MGST1: variants seen among roughly 807,000 people sequenced by gnomAD.
MGST1 encodes glutathione S-transferase 12.
A neutral mutation model predicts 8.9 loss-of-function variants in MGST1; 5 were observed. The ratio of observed to expected loss-of-function variants is 0.56; its 90% confidence interval spans 0.29 to 1.19. The LOEUF (loss-of-function observed/expected upper bound fraction) is 1.19, where lower values mean the gene tolerates loss of function less well. Ranked by LOEUF, MGST1 falls within the 50% of genes most tolerant of loss-of-function variation. The pLI, the probability that MGST1 is intolerant of heterozygous loss-of-function variation, is 0.08. For missense variants in MGST1, 182 were observed against 187.4 expected (o/e 0.97, Z 0.17); for synonymous variants, 54 against 67.8 (o/e 0.80, Z 1.00).
At chr12:16,427,551 T>G (rs1940901097) in intron 1 of MGST1, among the ~76,000 whole-genome samples, 1 of 152,094 alleles carries the variant, frequency 6.6e-6, no homozygotes, top group African/African-American at 2.4e-5. Flanking sequence ...CCAGCTAATT[T>G]TTGTACTTTT....
intron 4 of MGST1, among the ~76,000 whole-genome samples, chr12:16,499,974 GA>G (rs950565177): frequency 1.3e-5 from 2 of 151,960 alleles, no homozygotes; most frequent in South Asian, 2.1e-4. Context: ...ACAATGAGAT[GA>G]AAAAAAGTGT....
At chr12:16,483,681 G>T (rs1230339792) in intron 4 of MGST1, among the ~76,000 whole-genome samples, 1 of 152,060 alleles carries the variant, frequency 6.6e-6, no homozygotes. Flanking sequence ...AAACAAATAT[G>T]CATGAATAAC....
At position 16,582,821 on chromosome 12, in the gene MGST1, G is replaced by A. The variant is rs1190778299; in HGVS notation, n.483-6707G>A. Among the ~76,000 whole-genome samples the A allele has an allele frequency of 6.6e-6, 1 of 152,186 alleles. No individual in the cohort carries two copies. The highest frequency in any genetic ancestry group is 2.4e-5 in the African/African-American group (1 of 41,446). Reference sequence around the variant, plus strand: ...CCAGCACTTTGGGAGGCCAAATTGAGTGGATCACCTGAGGTCAGGAGTTCG... The same window carrying A: ...CCAGCACTTTGGGAGGCCAAATTGAATGGATCACCTGAGGTCAGGAGTTCG... On this transcript the variant is annotated intron_variant and non_coding_transcript_variant, in intron 4 of 4. Transcript: ENST00000538857. The surrounding 1 kb of genome is among the most constrained non-coding windows in gnomAD (Gnocchi z 4.1).
intron 4 of MGST1, among the ~76,000 whole-genome samples, chr12:16,476,642 T>C (rs1452113470): frequency 2.0e-5 from 3 of 152,190 alleles, no homozygotes; most frequent in Non-Finnish European, 4.4e-5. Context: ...AATCATTTTG[T>C]TGGTAACCCA....
chr12:16,578,749 C>T (rs932677367), intron 4 of MGST1, among the ~76,000 whole-genome samples: 2 of 151,762 alleles, frequency 1.3e-5, no homozygotes, highest in East Asian at 3.9e-4. Flanking sequence ...ACCTGGGAGG[C>T]GGAGTTTGCA....
chr12:16,537,488 G>T lies in MGST1; in HGVS notation n.483-52040G>T, dbSNP rs1456797339. Among the ~76,000 whole-genome samples the T allele has an allele frequency of 1.3e-5, 2 of 152,198 alleles. No homozygotes were observed. The highest frequency in any genetic ancestry group is 2.4e-5 in the African/African-American group (1 of 41,456). The stretch of plus-strand genomic sequence containing the variant: ...GGAGGTGCCCCAGTATGGACTCTGT[G>T]TGGGGGCACCAACCCCACATTTCCC... On this transcript the variant is annotated intron_variant and non_coding_transcript_variant, in intron 4 of 4. Coordinates refer to the MGST1 transcript ENST00000538857. This position sits in a 1 kb window ranked among gnomAD's most constrained non-coding sequence, Gnocchi z 4.6.
At chr12:16,484,663 C>G (rs910686332) in intron 4 of MGST1, among the ~76,000 whole-genome samples, 1 of 152,020 alleles carries the variant, frequency 6.6e-6, no homozygotes, top group African/African-American at 2.4e-5. Context: ...AGTTGCTACA[C>G]ATTTTTAAAC....
At chr12:16,414,410 T>A (rs867815519) in intron 1 of MGST1, among the ~76,000 whole-genome samples, 20 of 149,572 alleles carry the variant, frequency 1.3e-4, no homozygotes, top group South Asian at 6.3e-4. Flanking sequence ...TTTTTTTATT[T>A]TTTATTTATT....
chr12:16,445,465 T>C (rs1389583574), intron 4 of MGST1, among the ~76,000 whole-genome samples: 1 of 151,990 alleles, frequency 6.6e-6, no homozygotes, highest in East Asian at 1.9e-4. Context: ...GATTATATGA[T>C]GTCATTAATG....
At chr12:16,552,856 T>C (rs973995421) in intron 4 of MGST1, among the ~76,000 whole-genome samples, 1 of 152,086 alleles carries the variant, frequency 6.6e-6, no homozygotes, top group South Asian at 2.1e-4. Context: ...AATAATGGTG[T>C]TTGTGCAAGC....
At chr12:16,510,726 CAA>C (rs1173348215) in intron 4 of MGST1, among the ~76,000 whole-genome samples, 1 of 152,148 alleles carries the variant, frequency 6.6e-6, no homozygotes, top group Non-Finnish European at 1.5e-5. Context: ...TACAGGCAAA[CAA>C]TGACATTTAT....
At chr12:16,396,282 A>G (rs2137057989) in intron 1 of MGST1, among the ~76,000 whole-genome samples, 1 of 152,298 alleles carries the variant, frequency 6.6e-6, no homozygotes, top group South Asian at 2.1e-4. Flanking sequence ...CAAGGAACAT[A>G]CCTCAATGTA....
chr12:16,489,185 T>G (rs1164078535), intron 4 of MGST1, among the ~76,000 whole-genome samples: 1 of 152,168 alleles, frequency 6.6e-6, no homozygotes, highest in Non-Finnish European at 1.5e-5. Flanking sequence ...ATTTATTGAA[T>G]AATGAATGAT....
At chr12:16,507,315 G>A (rs1023621328) in intron 4 of MGST1, among the ~76,000 whole-genome samples, 1 of 152,114 alleles carries the variant, frequency 6.6e-6, no homozygotes, top group Admixed American at 6.6e-5. Flanking sequence ...GGTGACATGA[G>A]TAGGGGCAAG....
chr12:16,387,553 G>A (rs181863998), intron 1 of MGST1, among the ~76,000 whole-genome samples: 24 of 149,104 alleles, frequency 1.6e-4, no homozygotes, highest in Admixed American at 1.4e-3. Flanking sequence ...TTGAGATGGA[G>A]TCTCGCTCTG....
chr12:16,505,362 G>A lies in MGST1; in HGVS notation n.483-84166G>A, dbSNP rs114983601. On this transcript the variant is annotated intron_variant and non_coding_transcript_variant, in intron 4 of 4. Transcript: ENST00000538857. Reference sequence around the variant, plus strand: ...CTGCTCCAGAGCTAGATAGCACTGCGATTAACATGTCTAGCTGAATATCCT... The same window carrying A: ...CTGCTCCAGAGCTAGATAGCACTGCAATTAACATGTCTAGCTGAATATCCT... Among the ~76,000 whole-genome samples the A allele has an allele frequency of 4.7e-3, 712 of 152,264 alleles. 6 individuals carry two copies. The highest frequency in any genetic ancestry group is 0.016 in the African/African-American group (667 of 41,540).
intron 3 of MGST1, among the ~76,000 whole-genome samples, chr12:16,360,660 G>A (rs142840737): frequency 8.6e-4 from 131 of 152,246 alleles, no homozygotes; most frequent in Middle Eastern, 3.4e-3. Flanking sequence ...TGAAATACAG[G>A]GAGTCATTCA....
chr12:16,479,200 A>G (rs187751557), intron 4 of MGST1, among the ~76,000 whole-genome samples: 1,484 of 143,662 alleles, frequency 0.01, 26 homozygotes, highest in African/African-American at 0.035. Context: ...CATTGTGTGT[A>G]TATATATATA....
chr12:16,535,525 T>A (rs574663838), intron 4 of MGST1, among the ~76,000 whole-genome samples: 79 of 152,258 alleles, frequency 5.2e-4, no homozygotes, highest in Non-Finnish European at 1.1e-3. Flanking sequence ...ACAGAGATAG[T>A]CAAACTACAC....
Sources: gnomAD v4.1 joint callset for allele counts (sites outside exome capture counted in the v4.1 genomes callset) on GRCh38, gnomAD v4.1.1 for gene constraint, Gnocchi (gnomAD v3.1) non-coding constraint, MANE v1.5 for transcripts, NCBI Gene and HGNC (gene_info 2026-07-23, HGNC 2026-07-21) for gene names.